Variants in STAU2 observed in about 807,000 individuals in gnomAD.
STAU2 encodes staufen double-stranded RNA binding protein 2, also known as double-stranded RNA-binding protein Staufen homolog 2.
STAU2 carries 20 observed loss-of-function variants against 65.9 expected under a neutral mutation model. That is an observed-to-expected ratio of 0.30 (90% CI 0.21 to 0.44). The LOEUF (loss-of-function observed/expected upper bound fraction) is 0.44. Among genes scored for constraint, STAU2 ranks in the 20% least tolerant of loss-of-function variants. The pLI is 1.00. For missense variants in STAU2, 558 were observed against 683.9 expected (o/e 0.82, Z 2.05); for synonymous variants, 232 against 233.9 (o/e 0.99, Z 0.07).
intron 13 of STAU2, chr8:73,549,940 T>A (rs569123230): frequency 1.0e-6 from 1 of 985,822 alleles, no homozygotes; most frequent in Admixed American, 6.1e-5. Flanking sequence ...ACCAGGTAAA[T>A]ATACCTGAGA....
At chr8:73,684,542 G>A (rs1001871494) in intron 5 of STAU2, among the ~76,000 whole-genome samples, 1 of 152,138 alleles carries the variant, frequency 6.6e-6, no homozygotes, top group African/African-American at 2.4e-5. Flanking sequence ...TCTAGACATT[G>A]GCTTAGGCAA....
At chr8:73,629,835 T>C (rs149979920) in intron 6 of STAU2, among the ~76,000 whole-genome samples, 4 of 152,290 alleles carry the variant, frequency 2.6e-5, no homozygotes, top group Admixed American at 6.5e-5. Context: ...CGTGCGATTA[T>C]GCCTCACTGC....
chr8:73,459,911 T>C (rs1187518941), intron 13 of STAU2, among the ~76,000 whole-genome samples: 2 of 152,162 alleles, frequency 1.3e-5, no homozygotes, highest in Non-Finnish European at 2.9e-5. Flanking sequence ...CCTTTGACTC[T>C]TGGGGCCTCC....
chr8:73,555,228 G>T (rs1472793838), intron 12 of STAU2, among the ~76,000 whole-genome samples: 1 of 152,224 alleles, frequency 6.6e-6, no homozygotes, highest in African/African-American at 2.4e-5. Context: ...GGAGAATACA[G>T]TCCAGGAGGA....
intron 13 of STAU2, among the ~76,000 whole-genome samples, chr8:73,525,656 A>C (rs1823316548): frequency 6.6e-6 from 1 of 152,188 alleles, no homozygotes; most frequent in Non-Finnish European, 1.5e-5. Context: ...GCAACATGCC[A>C]CCTCTGTGAA....
At chr8:73,689,541 T>A (rs1400122992) in intron 4 of STAU2, among the ~76,000 whole-genome samples, 1 of 152,200 alleles carries the variant, frequency 6.6e-6, no homozygotes, top group African/African-American at 2.4e-5. Context: ...GCTCTACCTG[T>A]GCATCCTCAT....
At chr8:73,634,652 C>T (rs1814361451) in intron 6 of STAU2, among the ~76,000 whole-genome samples, 1 of 152,188 alleles carries the variant, frequency 6.6e-6, no homozygotes, top group Admixed American at 6.5e-5. Flanking sequence ...GCTTCTTCTA[C>T]CACTCACCTC....
At chr8:73,685,552 A>G (rs999135166) in intron 5 of STAU2, among the ~76,000 whole-genome samples, 3 of 151,834 alleles carry the variant, frequency 2.0e-5, no homozygotes, top group Admixed American at 6.6e-5. Context: ...TTATTTTTGT[A>G]TTTTTAGTAG....
chr8:73,557,525 C>CA (rs1300210341), intron 12 of STAU2, among the ~76,000 whole-genome samples: 1 of 152,098 alleles, frequency 6.6e-6, no homozygotes, highest in Admixed American at 6.5e-5. Flanking sequence ...AGGTTTCTCC[C>CA]AAAAAACTAC....
intron 13 of STAU2, among the ~76,000 whole-genome samples, chr8:73,428,536 C>T (rs1433827023): frequency 2.0e-5 from 3 of 152,116 alleles, no homozygotes; most frequent in Non-Finnish European, 4.4e-5. Flanking sequence ...TACTGAGAGC[C>T]AGGAAATGGA....
intron 13 of STAU2, among the ~76,000 whole-genome samples, chr8:73,455,553 A>G (rs1352950659): frequency 1.3e-5 from 2 of 152,060 alleles, no homozygotes; most frequent in African/African-American, 4.8e-5. Context: ...AGCCCAAACC[A>G]GGAGTGCGAG....
intron 13 of STAU2, chr8:73,511,478 G>A (rs1202644107): frequency 1.2e-4 from 18 of 152,762 alleles, no homozygotes; most frequent in South Asian, 2.1e-4. Context: ...TGCCATGACC[G>A]TAGGAATAGA....
chr8:73,560,737 G>C (rs1238574051), intron 12 of STAU2, among the ~76,000 whole-genome samples: 1 of 152,064 alleles, frequency 6.6e-6, no homozygotes, highest in African/African-American at 2.4e-5. Context: ...ATACAAAATA[G>C]TAAATAATAC....
intron 6 of STAU2, among the ~76,000 whole-genome samples, chr8:73,654,637 CAA>C (rs71269928): frequency 2.1e-3 from 56 of 26,306 alleles, no homozygotes; most frequent in South Asian, 0.017. Context: ...AAGATTGTCT[CAA>C]AAAAAAAAAA....
chr8:73,550,407 C>T, intron 13 of STAU2: 3 of 985,102 alleles, frequency 3.0e-6, no homozygotes, highest in Non-Finnish European at 3.6e-6. Context: ...ATTCTGGTAG[C>T]AAAATTACAG....
chr8:73,738,970 C>A (rs115202574), intron 2 of STAU2, among the ~76,000 whole-genome samples: 3 of 151,978 alleles, frequency 2.0e-5, no homozygotes, highest in Non-Finnish European at 4.4e-5. Flanking sequence ...TCAGGCTGGG[C>A]GTGGTAATCC....
At chr8:73,670,655 G>C (rs1025628982) in intron 6 of STAU2, among the ~76,000 whole-genome samples, 1 of 152,086 alleles carries the variant, frequency 6.6e-6, no homozygotes, top group South Asian at 2.1e-4. Flanking sequence ...ATAGAACTAA[G>C]TTTTAAATGG....
In STAU2 at chr8:73,668,347, T is replaced by A. The variant is rs180685175; in HGVS notation, c.410+4760A>T. Reference sequence around the variant, plus strand: ...TACATCTCCCCAAGAGATATCCCAGTTACATAGCTCAAAAATTCCCATTTG... The same window carrying A: ...TACATCTCCCCAAGAGATATCCCAGATACATAGCTCAAAAATTCCCATTTG... On this transcript the variant is annotated intron_variant, in intron 6 of 14. Transcript: ENST00000524300. Among the ~76,000 whole-genome samples the A allele has an allele frequency of 1.3e-3, 191 of 152,292 alleles. 2 individuals are homozygous for A. The highest frequency in any genetic ancestry group is 4.0e-3 in the African/African-American group (167 of 41,562).
intron 13 of STAU2, chr8:73,440,476 C>T (rs1818052194): frequency 6.6e-6 from 1 of 152,236 alleles, no homozygotes; most frequent in African/African-American, 2.4e-5. Flanking sequence ...AGCAATCAGC[C>T]TCACTTGCTT....
Sources: gnomAD v4.1 joint callset for allele counts (sites outside exome capture counted in the v4.1 genomes callset) on GRCh38, gnomAD v4.1.1 for gene constraint, MANE v1.5 for transcripts, NCBI Gene and HGNC (gene_info 2026-07-23, HGNC 2026-07-21) for gene names.